The following IQCH variants were observed in gnomAD, a reference collection of about 807,000 sequenced individuals.
The protein encoded by IQCH is IQ domain-containing protein H.
A neutral mutation model predicts 117.0 loss-of-function variants in IQCH; 98 were observed. That is an observed-to-expected ratio of 0.84 (90% CI 0.71 to 0.99). The LOEUF is 0.99. Among genes scored for constraint, IQCH ranks in the 50% least tolerant of loss-of-function variants. The pLI, the probability that IQCH is intolerant of heterozygous loss-of-function variation, is 0.00. For synonymous variants in IQCH, 412 were observed against 448.2 expected (o/e 0.92, Z 1.02); for missense variants, 1,102 against 1,243.8 (o/e 0.89, Z 1.72).
chr15:67,351,685 C>T (rs4301969), intron 6 of IQCH, among the ~76,000 whole-genome samples: 70,438 of 151,994 alleles, frequency 0.46, 16,729 homozygotes, highest in Non-Finnish European at 0.52. Flanking sequence ...GTTATTATAT[C>T]TTACTAGTAA....
Position 67,388,958 on chromosome 15 carries a change from G to T in IQCH, c.1584G>T (p.Leu528=). The part of the protein sequence containing the change: ...KSGNLEDRSD[L]QDRFKIITPE... ...GGAACCTTGAGGACAGAAGTGACCT[G>T]CAGGACAGGTTCAAAATTATCACAC... Residue 528 remains leucine (L), a synonymous_variant, in exon 12 of 21, where the codon CTG becomes CTT. Coordinates refer to ENST00000335894, the MANE Select transcript of IQCH (RefSeq NM_001031715.3). The surrounding 1 kb of genome is among the most constrained non-coding windows in gnomAD (Gnocchi z 5.5). 3 of 1,614,026 alleles carry T rather than the reference G, an allele frequency of 1.9e-6. No individual in the cohort carries two copies. The highest frequency in any genetic ancestry group is 1.1e-5 in the South Asian group (1 of 91,076).
In IQCH at chr15:67,433,272, T is replaced by C. The variant is rs1317954369; in HGVS notation, c.2505+11695T>C. Among the ~76,000 whole-genome samples the C allele has an allele frequency of 6.6e-6, 1 of 152,222 alleles. No individual in the cohort carries two copies. The highest frequency in any genetic ancestry group is 2.4e-5 in the African/African-American group (1 of 41,462). ...TGATGATGGCAATGATGATGACTTCTACAATAAGCACATGGGCAATGATGA... is the reference window on the plus strand; with the variant it reads ...TGATGATGGCAATGATGATGACTTCCACAATAAGCACATGGGCAATGATGA... On this transcript the variant is annotated intron_variant, in intron 16 of 20. Coordinates refer to ENST00000335894, the MANE Select transcript of IQCH (RefSeq NM_001031715.3). This position sits in a 1 kb window ranked among gnomAD's most constrained non-coding sequence, Gnocchi z 5.4.
Position 67,336,964 on chromosome 15 carries a change from T to A in IQCH, c.388-11T>A, listed in dbSNP as rs1342432545. The A allele has an allele frequency of 6.2e-7, 1 of 1,611,830 alleles. No individual in the cohort carries two copies. The highest frequency in any genetic ancestry group is 1.7e-5 in the Admixed American group (1 of 59,554). ...AAAAATGTTTGCTGAAACAAATTTT[T>A]TATTATCTAGATAAAGGTTTCGAAG... On this transcript the variant is annotated splice_polypyrimidine_tract_variant and intron_variant, in intron 4 of 20. Coordinates refer to ENST00000335894, the MANE Select transcript of IQCH (RefSeq NM_001031715.3).
At chr15:67,451,859 A>C (rs1382103644) in intron 16 of IQCH, among the ~76,000 whole-genome samples, 2 of 152,250 alleles carry the variant, frequency 1.3e-5, no homozygotes, top group South Asian at 2.1e-4. Context: ...GTGGGAGTCT[A>C]AGTCTCTTTG....
rs903106543 is a variant in IQCH, at chr15:67,406,273, T to G, written c.2097+5968T>G. 5.3e-5 allele frequency: 8 copies of G among 152,338 alleles called. No individual in the cohort carries two copies. In the East Asian group the frequency reaches 9.7e-4, roughly 18 times the overall value. The allele number at this position is 152,338 out of a possible 1,614,324, so 9.4% of individuals were successfully genotyped here. A position where few individuals can be genotyped will look rare whatever the true frequency, so the allele number is the denominator to read the frequency against. The stretch of plus-strand genomic sequence containing the variant: ...AGTGCAGTCGATCACTCCTGTAATA[T>G]TTTGTAATCCCAACACTTTGGAAGG... On this transcript the variant is annotated intron_variant, in intron 14 of 20. Transcript: ENST00000335894. The surrounding 1 kb of genome is among the most constrained non-coding windows in gnomAD (Gnocchi z 4.5).
At chr15:67,420,672 G>A (rs1417570596) in intron 15 of IQCH, among the ~76,000 whole-genome samples, 1 of 152,166 alleles carries the variant, frequency 6.6e-6, no homozygotes, top group East Asian at 1.9e-4. Context: ...TCAAAGCAAA[G>A]GGTAAAATGT....
chr15:67,307,145 G>T (rs767510540), intron 4 of IQCH: 1 of 1,064,466 alleles, frequency 9.4e-7, no homozygotes, highest in Admixed American at 5.0e-5. Context: ...TTTCTTTTTG[G>T]CAAGATGTGA....
At chr15:67,469,783 T>C (rs1457360843) in intron 17 of IQCH, among the ~76,000 whole-genome samples, 1 of 152,240 alleles carries the variant, frequency 6.6e-6, no homozygotes, top group African/African-American at 2.4e-5. Flanking sequence ...GGTGCTGTTA[T>C]TATGCCCATT....
chr15:67,302,852 G>A (rs975039138), intron 4 of IQCH, among the ~76,000 whole-genome samples: 16 of 152,130 alleles, frequency 1.1e-4, no homozygotes, highest in African/African-American at 1.7e-4. Flanking sequence ...GCGAGACTCC[G>A]TCTCAAAACA....
rs1276888004 is a variant in IQCH, at chr15:67,476,006, T to A, written c.2799+188T>A. On this transcript the variant is annotated intron_variant, in intron 18 of 20. Coordinates refer to ENST00000335894, the MANE Select transcript of IQCH (RefSeq NM_001031715.3). The surrounding 1 kb of genome is among the most constrained non-coding windows in gnomAD (Gnocchi z 4.1). ...CTCCACAGAAAGTAGCACATAGTCC[T>A]GGAAAGTTCTACTTCGTCTCCAATC... Among the ~76,000 whole-genome samples the A allele has an allele frequency of 1.3e-5, 2 of 152,242 alleles. No individual in the cohort carries two copies. The highest frequency in any genetic ancestry group is 1.5e-5 in the Non-Finnish European group (1 of 68,038).
chr15:67,262,294 A>G (rs1412220420), intron 2 of IQCH, among the ~76,000 whole-genome samples: 1 of 152,180 alleles, frequency 6.6e-6, no homozygotes. Flanking sequence ...GACCAGGATA[A>G]TATTCATTTA....
chr15:67,480,974 G>A (rs2083324011), intron 18 of IQCH, among the ~76,000 whole-genome samples: 1 of 151,910 alleles, frequency 6.6e-6, no homozygotes. Context: ...TCAGAAATTT[G>A]GCACTTTGCA....
chr15:67,382,309 C>G (rs780710570), intron 10 of IQCH, among the ~76,000 whole-genome samples: 7 of 152,230 alleles, frequency 4.6e-5, no homozygotes, highest in Non-Finnish European at 1.0e-4. Context: ...AGCAACTCTT[C>G]TCTTCTGCTT....
chr15:67,294,456 A>C (rs530870622), intron 4 of IQCH, among the ~76,000 whole-genome samples: 53 of 152,294 alleles, frequency 3.5e-4, no homozygotes, highest in African/African-American at 1.2e-3. Context: ...AGTTCTGTCC[A>C]GTTAGTACCA....
chr15:67,451,035 T>C (rs1303452814), intron 16 of IQCH, among the ~76,000 whole-genome samples: 1 of 152,250 alleles, frequency 6.6e-6, no homozygotes, highest in Non-Finnish European at 1.5e-5. Context: ...TATTCTCTGA[T>C]GGTAGTTTGT....
chr15:67,337,120 C>T (rs773002638), intron 5 of IQCH, 25 bp downstream of exon 5: 12 of 1,611,276 alleles, frequency 7.4e-6, no homozygotes, highest in Admixed American at 5.0e-5. Flanking sequence ...AGCCATTTTA[C>T]GTGTTTAGGA....
intron 4 of IQCH, among the ~76,000 whole-genome samples, chr15:67,331,001 G>T (rs1968642346): frequency 6.6e-6 from 1 of 152,158 alleles, no homozygotes; most frequent in South Asian, 2.1e-4. Flanking sequence ...CTCACATGTT[G>T]CTGGGAGAGA....
In IQCH at chr15:67,427,284, CAT is replaced by C. The variant is rs1280789173; in HGVS notation, c.2505+5708_2505+5709del. The stretch of plus-strand genomic sequence containing the variant: ...ATCTGTGCCCTACCCCTCCATGCCT[CAT>C]GTGCTTGGATCCCAATCCTGTCATT... On this transcript the variant is annotated intron_variant, in intron 16 of 20. Transcript: ENST00000335894. The surrounding 1 kb of genome is among the most constrained non-coding windows in gnomAD (Gnocchi z 4.7). 6.6e-6 allele frequency among the ~76,000 whole-genome samples: 1 copy of C among 152,198 alleles called. No homozygotes were observed. The highest frequency in any genetic ancestry group is 1.5e-5 in the Non-Finnish European group (1 of 68,026).
intron 3 of IQCH, among the ~76,000 whole-genome samples, chr15:67,274,988 A>C (rs1966063835): frequency 6.6e-6 from 1 of 152,302 alleles, no homozygotes; most frequent in East Asian, 1.9e-4. Context: ...CAGCTGGCCA[A>C]GGGTTTGTGC....
Sources: gnomAD v4.1 joint callset for allele counts (sites outside exome capture counted in the v4.1 genomes callset) on GRCh38, gnomAD v4.1.1 for gene constraint, Gnocchi (gnomAD v3.1) non-coding constraint, MANE v1.5 for transcripts, NCBI Gene and HGNC (gene_info 2026-07-23, HGNC 2026-07-21) for gene names.